MAT2B: variants seen among roughly 807,000 people sequenced by gnomAD.
MAT2B encodes methionine adenosyltransferase 2 subunit beta.
In MAT2B, 16 loss-of-function variants were observed where a neutral mutation model predicts 36.1. That is an observed-to-expected ratio of 0.44 (90% confidence interval 0.30 to 0.67). The LOEUF (loss-of-function observed/expected upper bound fraction) is 0.67, where lower values mean the gene tolerates loss of function less well. Ranked by LOEUF, MAT2B falls within the 30% of genes least tolerant of loss-of-function variation. The probability of loss-of-function intolerance (pLI) is 0.09; values close to 1 mark genes in which losing one functional copy is unlikely to be tolerated. For synonymous variants in MAT2B, 148 were observed against 136.9 expected (o/e 1.08, Z -0.57); for missense variants, 332 against 398.2 (o/e 0.83, Z 1.42).
intron 1 of MAT2B, among the ~76,000 whole-genome samples, chr5:163,509,884 CA>C (rs1387473108): frequency 6.6e-6 from 1 of 152,148 alleles, no homozygotes; most frequent in African/African-American, 2.4e-5. Flanking sequence ...AAATTGCTTT[CA>C]ACTTTTAAAA....
At chr5:163,503,751 TTCTTTG>T (rs1178578706), upstream of MAT2B, among the ~76,000 whole-genome samples, 1 of 152,202 alleles carries the variant, frequency 6.6e-6, no homozygotes, top group African/African-American at 2.4e-5. Context: ...TTTCCAGATG[TTCTTTG>T]TCTTTGTATG....
At chr5:163,506,648 G>C (rs1167617469) in intron 1 of MAT2B, among the ~76,000 whole-genome samples, 2 of 152,148 alleles carry the variant, frequency 1.3e-5, no homozygotes, top group Admixed American at 1.3e-4. Context: ...AAATCACTTT[G>C]GTTCTTTGAG....
At chr5:163,515,778 T>TTTTC (rs1760122694) in intron 4 of MAT2B, among the ~76,000 whole-genome samples, 3 of 131,930 alleles carry the variant, frequency 2.3e-5, no homozygotes, top group East Asian at 2.2e-4. Context: ...TTCTTTTTTT[T>TTTTC]TTTTTTTTTT....
intron 5 of MAT2B, 63 bp from the exon 6 acceptor site, chr5:163,517,498 C>A: frequency 1.0e-6 from 1 of 967,078 alleles, no homozygotes; most frequent in Non-Finnish European, 1.6e-6. Context: ...GCTTTTTGGT[C>A]AAACCTATTC....
At chr5:163,504,556 A>G (rs1490077357), upstream of MAT2B, among the ~76,000 whole-genome samples, 1 of 152,234 alleles carries the variant, frequency 6.6e-6, no homozygotes, top group Non-Finnish European at 1.5e-5. Context: ...AGGAAAATCC[A>G]GACAGTGGTC....
rs1280861315 is a variant in MAT2B, at chr5:163,512,092, A to G, written c.154A>G (p.Asn52Asp). 1 of 1,614,218 alleles carries G rather than the reference A, an allele frequency of 6.2e-7. No homozygotes were observed. The highest frequency in any genetic ancestry group is 8.5e-7 in the Non-Finnish European group (1 of 1,180,010). The change falls in exon 2 of 7, where the codon AAT (asparagine) becomes GAT (aspartate). Residue 52 changes from asparagine to aspartate, a missense_variant. Transcript: ENST00000321757. ...TGTACACAAAGAATTTCAGCAGAAT[A>G]ATTGGCATGCAGTTGGCTGTGGTTT... Reference protein sequence around the residue: ...RAVHKEFQQNNWHAVGCGFRR... With the variant: ...RAVHKEFQQNDWHAVGCGFRR...
At chr5:163,509,755 G>A (rs570481772) in intron 1 of MAT2B, among the ~76,000 whole-genome samples, 1 of 152,216 alleles carries the variant, frequency 6.6e-6, no homozygotes, top group Non-Finnish European at 1.5e-5. Flanking sequence ...CCTCTTTACA[G>A]TTCAATCTTT....
At position 163,518,234 on chromosome 5, in the gene MAT2B, T is replaced by C. The variant is rs760920002; in HGVS notation, c.876T>C (p.Asn292=). ...SPVLGAQRPR[N]AQLDCSKLET... is the part of the protein sequence containing the mutation. ...TCCTAGGAGCACAACGTCCGAGAAATGCTCAGCTTGACTGCTCCAAATTGG... is the reference window on the plus strand; with the variant it reads ...TCCTAGGAGCACAACGTCCGAGAAACGCTCAGCTTGACTGCTCCAAATTGG... The change falls in exon 7 of 7, where the codon AAT becomes AAC. Residue 292 remains asparagine, a synonymous_variant. Transcript: ENST00000321757. 2 of 1,613,126 alleles carry C rather than the reference T, an allele frequency of 1.2e-6. No individual in the cohort carries two copies. The highest frequency in any genetic ancestry group is 1.1e-5 in the South Asian group (1 of 90,768).
intron 1 of MAT2B, 133 bp downstream of exon 1, chr5:163,505,882 C>T (rs775375214): frequency 8.4e-6 from 5 of 594,020 alleles, no homozygotes; most frequent in Non-Finnish European, 1.3e-5. Context: ...CTCACCGCCA[C>T]CCTCCCAGCC....
At chr5:163,510,207 A>G (rs569120814) in intron 1 of MAT2B, among the ~76,000 whole-genome samples, 2 of 152,280 alleles carry the variant, frequency 1.3e-5, no homozygotes, top group East Asian at 3.9e-4. Context: ...CCTGGTTGGA[A>G]ACTTGGTGTT....
rs1450921518 is a variant in MAT2B at position 163,518,964 on chromosome 5, T to A, written c.*601T>A. ...GAGCACTTGAAAGAGCGTGTGTACA[T>A]GTATTTTTTTTCTAGGCAAACATTG... On this transcript the variant is annotated 3_prime_UTR_variant, in exon 7 of 7. Coordinates refer to ENST00000321757, the MANE Select transcript of MAT2B (RefSeq NM_013283.5). 1 of 152,622 alleles carries A rather than the reference T, an allele frequency of 6.6e-6. No homozygotes were observed. The highest frequency in any genetic ancestry group is 1.5e-5 in the Non-Finnish European group (1 of 68,038). 9.5% of individuals were successfully genotyped at this position (152,622 alleles called of 1,614,324 possible).
rs1581211512 is a variant in MAT2B, at chr5:163,505,671, C to G, written c.-16C>G. The G allele has an allele frequency of 7.8e-7, 1 of 1,278,922 alleles. No homozygotes were observed. Among genetic ancestry groups the G allele is most frequent in the Non-Finnish European group, 9.9e-7 (1 of 1,005,538 alleles). 79.2% of individuals were successfully genotyped at this position (1,278,922 alleles called of 1,614,324 possible). On this transcript the variant is annotated 5_prime_UTR_variant, in exon 1 of 7. Transcript: ENST00000321757. ...GAGGTGGCGGCCGCTGAGGCTGCGG[C>G]GTGAAGACGGCGGGCATGGTGGGGC...
intron 1 of MAT2B, among the ~76,000 whole-genome samples, chr5:163,506,746 T>G (rs1172106681): frequency 6.6e-6 from 1 of 152,246 alleles, no homozygotes; most frequent in East Asian, 1.9e-4. Flanking sequence ...CGTTTACATT[T>G]ATATGTATGC....
chr5:163,515,258 T>TA (rs781249430), intron 4 of MAT2B, among the ~76,000 whole-genome samples: 2 of 152,230 alleles, frequency 1.3e-5, no homozygotes, highest in Non-Finnish European at 2.9e-5. Context: ...GATTTGCAGT[T>TA]AAAGTGTTAA....
Position 163,511,066 on chromosome 5 carries a change from C to T in MAT2B, c.64-936C>T, listed in dbSNP as rs147225362. Among the ~76,000 whole-genome samples the T allele has an allele frequency of 2.6e-5, 4 of 152,222 alleles. No homozygotes were observed. The East Asian group carries it at 7.7e-4, about 29-fold the overall frequency. ...AAGACAAATTGTAAAGTCTTATAAA[C>T]TGAAGAATGTAATGTTGTTATTTAC... On this transcript the variant is annotated intron_variant, in intron 1 of 6. Transcript: ENST00000321757.
At chr5:163,510,306 T>C (rs1760016935) in intron 1 of MAT2B, among the ~76,000 whole-genome samples, 1 of 144,744 alleles carries the variant, frequency 6.9e-6, no homozygotes, top group Admixed American at 6.9e-5. Flanking sequence ...CTTTTTCATT[T>C]CTGTGTGTAA....
At chr5:163,503,812 TA>T (rs1344792521), upstream of MAT2B, among the ~76,000 whole-genome samples, 2 of 152,254 alleles carry the variant, frequency 1.3e-5, no homozygotes, top group African/African-American at 4.8e-5. Flanking sequence ...CTGCTCTCTT[TA>T]AATGTATAGA....
At chr5:163,506,408 TG>T in intron 1 of MAT2B, among the ~76,000 whole-genome samples, 1 of 152,260 alleles carries the variant, frequency 6.6e-6, no homozygotes, top group East Asian at 1.9e-4. Context: ...AGGAAGATTA[TG>T]GTGATGATTG....
At chr5:163,503,290 G>A (rs550342669), upstream of MAT2B, 8 of 972,050 alleles carry the variant, frequency 8.2e-6, no homozygotes, top group Non-Finnish European at 1.3e-5. Flanking sequence ...CTCACGTTTT[G>A]GCGTGCCTGC....
Sources: allele counts gnomAD v4.1 joint callset (sites outside exome capture counted in the v4.1 genomes callset), GRCh38; gene constraint gnomAD v4.1.1; transcripts MANE v1.5; gene names NCBI Gene and HGNC (gene_info 2026-07-23, HGNC 2026-07-21).